Variants in RBFOX1 observed in about 807,000 individuals in gnomAD.
RBFOX1 encodes RNA binding fox-1 homolog 1, also known as RNA binding protein fox-1 homolog 1.
Under a neutral mutation model 57.7 loss-of-function variants are expected in RBFOX1, and 8 were observed. The observed-to-expected ratio is 0.14, with a 90% CI of 0.08 to 0.25. RBFOX1 has a LOEUF of 0.25. RBFOX1 is among the 10% of genes least tolerant of loss of function. The pLI is 1.00. For synonymous variants in RBFOX1, 326 were observed against 222.4 expected, an observed-to-expected ratio of 1.47 and a Z score of -4.15; for missense variants, 611 against 548.5, an observed-to-expected ratio of 1.11 and a Z score of -1.14.
rs111228804 is a variant in RBFOX1 at position 7,148,499 on chromosome 16, G to A, written c.27+96401G>A. On this transcript the variant is annotated intron_variant, in intron 4 of 15. Transcript: ENST00000550418. ...TCGGATCTTTTTCACACGCCGGCAG[G>A]AGGCTGTATACATTTAACATATTAA... Among the ~76,000 whole-genome samples, 524 of 152,296 alleles carry A rather than the reference G, an allele frequency of 3.4e-3. 1 individual carries two copies. Among genetic ancestry groups the A allele is most frequent in the African/African-American group, 0.012 (492 of 41,550 alleles).
chr16:6,595,085 C>G (rs960814634), intron 2 of RBFOX1, among the ~76,000 whole-genome samples: 3 of 152,176 alleles, frequency 2.0e-5, no homozygotes, highest in East Asian at 3.9e-4. Flanking sequence ...CCGCACCTGG[C>G]CTTCCGTGGT....
At chr16:6,573,553 C>A (rs981799632) in intron 2 of RBFOX1, among the ~76,000 whole-genome samples, 1 of 152,188 alleles carries the variant, frequency 6.6e-6, no homozygotes, top group South Asian at 2.1e-4. Context: ...ATCTCCCCAT[C>A]CATCTTATTT....
In RBFOX1 at chr16:7,034,848, C is replaced by CTTTTCTTTTTTTTTTTTTTTT. The variant is rs1412479062; in HGVS notation, c.-15-17205_-15-17204insCTTTTTTTTTTTTTTTTTTTT. ...ATTACTTTTTTTTTTTTTCTTTTTT[C>CTTTTCTTTTTTTTTTTTTTTT]TTTTTTTTTTTTTTTTTTGAGATGG... On this transcript the variant is annotated intron_variant, in intron 3 of 15. Coordinates refer to ENST00000550418, the MANE Select transcript of RBFOX1 (RefSeq NM_018723.4). Among the ~76,000 whole-genome samples the CTTTTCTTTTTTTTTTTTTTTT allele has an allele frequency of 1.7e-3, 52 of 30,836 alleles. 4 individuals are homozygous for CTTTTCTTTTTTTTTTTTTTTT. Among genetic ancestry groups the CTTTTCTTTTTTTTTTTTTTTT allele is most frequent in the African/African-American group, 6.6e-3 (38 of 5,752 alleles). 20.2% of individuals were successfully genotyped at this position (30,836 alleles called of 152,430 possible).
intron 3 of RBFOX1, among the ~76,000 whole-genome samples, chr16:6,997,384 G>A (rs942683032): frequency 2.6e-5 from 4 of 152,138 alleles, no homozygotes; most frequent in Non-Finnish European, 4.4e-5. Flanking sequence ...AACCTATGTT[G>A]AAAATATGTT....
chr16:6,472,230 C>T (rs996827293), intron 2 of RBFOX1, among the ~76,000 whole-genome samples: 2 of 152,116 alleles, frequency 1.3e-5, no homozygotes, highest in South Asian at 2.1e-4. Flanking sequence ...GACAAGGGAC[C>T]GATGAAGGCC....
At chr16:6,516,616 A>G (rs1373374602) in intron 2 of RBFOX1, among the ~76,000 whole-genome samples, 1 of 152,200 alleles carries the variant, frequency 6.6e-6, no homozygotes, top group Non-Finnish European at 1.5e-5. Flanking sequence ...TGGAATTGAA[A>G]AATACTTTTT....
rs371355750 is a variant in RBFOX1, at chr16:6,505,110, A to G, written c.-63-149493A>G. Among the ~76,000 whole-genome samples the G allele has an allele frequency of 1.8e-4, 28 of 152,090 alleles. No homozygotes were observed. In the East Asian group the frequency reaches 4.8e-3, roughly 26 times the overall value. On this transcript the variant is annotated intron_variant, in intron 2 of 15. Coordinates refer to ENST00000550418, the MANE Select transcript of RBFOX1 (RefSeq NM_018723.4). ...AATAAAAATTAGAAAAATAAAGTCT[A>G]CTCAAATTATTTTTTTTCCTTCACC... is the stretch of plus-strand genomic sequence containing the variant.
chr16:7,585,389 A>T (rs1003294790), intron 6 of RBFOX1, among the ~76,000 whole-genome samples: 23 of 152,214 alleles, frequency 1.5e-4, no homozygotes, highest in Admixed American at 1.1e-3. Flanking sequence ...AGATTGCAGG[A>T]TGAGTAAGCT....
chr16:7,092,856 A>G (rs907757409), intron 4 of RBFOX1, among the ~76,000 whole-genome samples: 26 of 152,196 alleles, frequency 1.7e-4, no homozygotes, highest in Admixed American at 1.4e-3. Context: ...AGGCTGGGAC[A>G]TCCGCCTTTT....
chr16:5,910,793 G>T (rs1054150904), intron 4 of RBFOX1, among the ~76,000 whole-genome samples: 2 of 152,160 alleles, frequency 1.3e-5, no homozygotes, highest in Non-Finnish European at 2.9e-5. Flanking sequence ...GCCCATCTGA[G>T]TTTCTCTGTG....
At chr16:6,880,167 A>G (rs576136986) in intron 3 of RBFOX1, among the ~76,000 whole-genome samples, 2 of 152,190 alleles carry the variant, frequency 1.3e-5, no homozygotes, top group African/African-American at 4.8e-5. Flanking sequence ...ATCATGGGAT[A>G]TTCCACCTCA....
chr16:5,735,301 C>G (rs1249442158), intron 3 of RBFOX1, among the ~76,000 whole-genome samples: 1 of 152,216 alleles, frequency 6.6e-6, no homozygotes, highest in African/African-American at 2.4e-5. Flanking sequence ...TACTCAAACC[C>G]AGACAGTGTT....
chr16:6,822,778 G>A (rs1302369637), intron 3 of RBFOX1, among the ~76,000 whole-genome samples: 3 of 152,200 alleles, frequency 2.0e-5, no homozygotes, highest in Non-Finnish European at 2.9e-5. Context: ...TATGGGACAA[G>A]CGCGAGTATG....
At chr16:6,425,603 AT>A (rs113706495) in intron 2 of RBFOX1, among the ~76,000 whole-genome samples, 4,172 of 149,126 alleles carry the variant, frequency 0.028, 202 homozygotes, top group African/African-American at 0.095. Context: ...GTTTATCACT[AT>A]TTTTTTTTTG....
chr16:7,191,587 C>T (rs1264947781), intron 4 of RBFOX1, among the ~76,000 whole-genome samples: 1 of 152,172 alleles, frequency 6.6e-6, no homozygotes, highest in Non-Finnish European at 1.5e-5. Flanking sequence ...CCATATCAGC[C>T]TTAAACACAT....
At position 5,483,282 on chromosome 16, in the gene RBFOX1, C is replaced by G. The variant is rs948706850; in HGVS notation, c.258+16028C>G. On this transcript the variant is annotated intron_variant, in intron 2 of 2. Transcript: ENST00000585867. ...GGATGGCAGACATGTGGCACGTACT[C>G]CCACTTCATGCTCTTCGTGCTCTTG... Among the ~76,000 whole-genome samples, 8 of 152,312 alleles carry G rather than the reference C, an allele frequency of 5.3e-5. No homozygotes were observed. In the South Asian group the frequency reaches 1.7e-3, roughly 32 times the overall value.
intron 3 of RBFOX1, among the ~76,000 whole-genome samples, chr16:6,923,517 A>C (rs761054740): frequency 6.6e-6 from 1 of 151,860 alleles, no homozygotes; most frequent in Non-Finnish European, 1.5e-5. Flanking sequence ...TGGATGATGG[A>C]GAAAGACTCC....
At chr16:6,194,663 A>G (rs2097168382) in intron 1 of RBFOX1, among the ~76,000 whole-genome samples, 1 of 152,150 alleles carries the variant, frequency 6.6e-6, no homozygotes, top group Non-Finnish European at 1.5e-5. Context: ...CCTGAGTGCC[A>G]CTGGCTCTTT....
At chr16:6,236,243 A>C (rs544973769) in intron 1 of RBFOX1, among the ~76,000 whole-genome samples, 212 of 152,238 alleles carry the variant, frequency 1.4e-3, no homozygotes, top group African/African-American at 5.0e-3. Flanking sequence ...GATTGAATTC[A>C]AATCCTGGCA....
Sources: allele counts gnomAD v4.1 joint callset (sites outside exome capture counted in the v4.1 genomes callset), GRCh38; gene constraint gnomAD v4.1.1; transcripts MANE v1.5; gene names NCBI Gene and HGNC (gene_info 2026-07-23, HGNC 2026-07-21).